The following CDK7 variants were observed in gnomAD, a reference collection of about 807,000 sequenced individuals.
CDK7 encodes cyclin dependent kinase 7.
A neutral mutation model predicts 49.1 loss-of-function variants in CDK7; 25 were observed. That is an observed-to-expected ratio of 0.51 (90% confidence interval 0.37 to 0.71). The LOEUF (loss-of-function observed/expected upper bound fraction) is 0.71, where lower values mean the gene tolerates loss of function less well. Among genes scored for constraint, CDK7 ranks in the 30% least tolerant of loss-of-function variants. The probability of loss-of-function intolerance (pLI) is 0.00; values close to 1 mark genes in which losing one functional copy is unlikely to be tolerated. For missense variants in CDK7, 316 were observed against 411.7 expected (o/e 0.77, Z 2.01); for synonymous variants, 107 against 140.0 (o/e 0.76, Z 1.67).
chr5:69,242,943 G>T lies in CDK7; in HGVS notation c.126+7490G>T, dbSNP rs187561145. Among the ~76,000 whole-genome samples the T allele has an allele frequency of 2.1e-3, 321 of 152,278 alleles. 6 individuals carry two copies. Among genetic ancestry groups the T allele is most frequent in the Non-Finnish European group, 2.0e-3 (137 of 68,026 alleles). On this transcript the variant is annotated intron_variant, in intron 2 of 11. Transcript: ENST00000256443. ...GCCTGTAATTCCAGCTACTCTGCAGGCTGAGGCAGGAGAATTGCTTGAACC... is the reference window on the plus strand; with the variant it reads ...GCCTGTAATTCCAGCTACTCTGCAGTCTGAGGCAGGAGAATTGCTTGAACC...
Position 69,276,636 on chromosome 5 carries a change from C to G in CDK7, c.958C>G (p.Gln320Glu). The change falls in exon 11 of 12, where the codon CAA (glutamine) becomes GAA (glutamate). Residue 320 changes from glutamine to glutamate, a missense_variant. Physicochemically the swap from Gln to Glu is conservative, Grantham distance 29 (BLOSUM62 2). Transcript: ENST00000256443. ...CTGTCCAGTGGAAACCTTAAAGGAG[C>G]AATCAAATCCAGCTTTGGCAATAAA... ...PNCPVETLKE[Q>E]SNPALAIKRK... 4 of 1,614,038 alleles carry G rather than the reference C, an allele frequency of 2.5e-6. No individual in the cohort carries two copies. Among genetic ancestry groups the G allele is most frequent in the Non-Finnish European group, 3.4e-6 (4 of 1,179,930 alleles).
Position 69,258,172 on chromosome 5 carries a change from C to T in CDK7, c.408+19C>T, listed in dbSNP as rs1323120561. On this transcript the variant is annotated intron_variant, in intron 6 of 11. Transcript: ENST00000256443. Reference sequence around the variant, plus strand: ...ACATAGGGTAAGGTTTTTAATATTGCTTCTTTATACTAGTCAAGTTTTATA... The same window carrying T: ...ACATAGGGTAAGGTTTTTAATATTGTTTCTTTATACTAGTCAAGTTTTATA... 1 of 1,124,504 alleles carries T rather than the reference C, an allele frequency of 8.9e-7. No individual in the cohort carries two copies. Among genetic ancestry groups the T allele is most frequent in the Non-Finnish European group, 1.3e-6 (1 of 775,154 alleles). The allele number at this position is 1,124,504 out of a possible 1,614,324, so 69.7% of individuals were successfully genotyped here. A position where few individuals can be genotyped will look rare whatever the true frequency, so the allele number is the denominator to read the frequency against.
intron 10 of CDK7, among the ~76,000 whole-genome samples, chr5:69,276,057 C>G (rs1752103009): frequency 6.6e-6 from 1 of 151,918 alleles, no homozygotes; most frequent in Non-Finnish European, 1.5e-5. Flanking sequence ...TGATACGGAG[C>G]CTTGCTCTGT....
chr5:69,267,285 A>G (rs1043896147), intron 8 of CDK7, among the ~76,000 whole-genome samples: 2 of 136,430 alleles, frequency 1.5e-5, no homozygotes, highest in Non-Finnish European at 3.1e-5. Flanking sequence ...TTTCTCTATA[A>G]GGATTCCTTT....
chr5:69,275,429 CTT>C (rs903500915), intron 10 of CDK7, among the ~76,000 whole-genome samples: 5 of 152,048 alleles, frequency 3.3e-5, no homozygotes, highest in African/African-American at 1.2e-4. Context: ...AAGTTTCTCT[CTT>C]TGCATTTTGA....
Position 69,269,335 on chromosome 5 carries a change from T to C in CDK7, c.714+42T>C, listed in dbSNP as rs562450161. The stretch of plus-strand genomic sequence containing the variant: ...TTTCTTTGAAATGTAATTAGGACTC[T>C]GTAAAGTTCTTAAACTGTCATATAC... On this transcript the variant is annotated intron_variant, in intron 9 of 11. Transcript: ENST00000256443. 2.4e-4 allele frequency: 337 copies of C among 1,382,572 alleles called. 5 individuals are homozygous for C. The South Asian group carries it at 3.0e-3, about 12-fold the overall frequency. The allele number at this position is 1,382,572 out of a possible 1,614,324, so 85.6% of individuals were successfully genotyped here. A position where few individuals can be genotyped will look rare whatever the true frequency, so the allele number is the denominator to read the frequency against.
intron 2 of CDK7, among the ~76,000 whole-genome samples, chr5:69,247,754 G>A (rs1164085196): frequency 6.6e-6 from 1 of 151,538 alleles, no homozygotes; most frequent in Non-Finnish European, 1.5e-5. Context: ...CTATTGTTAT[G>A]TTTTTAGATT....
At chr5:69,244,654 AAAAG>A (rs1749613474) in intron 2 of CDK7, among the ~76,000 whole-genome samples, 1 of 151,840 alleles carries the variant, frequency 6.6e-6, no homozygotes, top group Non-Finnish European at 1.5e-5. Context: ...AAAAAAAAAA[AAAAG>A]ATCATATCGT....
chr5:69,239,284 A>G lies in CDK7; in HGVS notation c.126+3831A>G, dbSNP rs565092343. ...CGTTTGTCAATTACGTAGATTGAAA[A>G]TGGTATGTACTTATTGTTTCAATTA... On this transcript the variant is annotated intron_variant, in intron 2 of 11. Coordinates refer to ENST00000256443, the MANE Select transcript of CDK7 (RefSeq NM_001799.4). 5.3e-5 allele frequency among the ~76,000 whole-genome samples: 8 copies of G among 152,306 alleles called. No homozygotes were observed. In the East Asian group the frequency reaches 1.5e-3, roughly 29 times the overall value.
chr5:69,247,774 A>G (rs900328908), intron 2 of CDK7, among the ~76,000 whole-genome samples: 24 of 152,050 alleles, frequency 1.6e-4, no homozygotes, highest in African/African-American at 5.8e-4. Context: ...TTGAGGTTAC[A>G]TGAGGCTTGC....
intron 2 of CDK7, among the ~76,000 whole-genome samples, chr5:69,250,069 C>A (rs1750039253): frequency 6.6e-6 from 1 of 152,198 alleles, no homozygotes; most frequent in African/African-American, 2.4e-5. Flanking sequence ...AGGATTGACC[C>A]TTAGTGCCTA....
intron 7 of CDK7, among the ~76,000 whole-genome samples, chr5:69,261,099 T>C (rs1220865655): frequency 1.3e-5 from 2 of 152,200 alleles, no homozygotes; most frequent in African/African-American, 4.8e-5. Flanking sequence ...ATTACAGGTG[T>C]GAGCCATTGT....
intron 10 of CDK7, among the ~76,000 whole-genome samples, chr5:69,273,621 C>A (rs1751796210): frequency 1.3e-5 from 2 of 152,092 alleles, no homozygotes; most frequent in African/African-American, 4.8e-5. Flanking sequence ...ATAACAAACT[C>A]ATGAAAAATT....
Position 69,269,837 on chromosome 5 carries a change from C to T in CDK7, c.714+544C>T, listed in dbSNP as rs1375526992. Among the ~76,000 whole-genome samples the T allele has an allele frequency of 4.6e-5, 7 of 151,392 alleles. No individual in the cohort carries two copies. The South Asian group carries it at 1.0e-3, about 23-fold the overall frequency. ...CTCGTCTCAAGCAGTTCTGCCTCAG[C>T]CTCCCAAAGTGCTGGCATTACAGGC... is the stretch of plus-strand genomic sequence containing the variant. On this transcript the variant is annotated intron_variant, in intron 9 of 11. Coordinates refer to ENST00000256443, the MANE Select transcript of CDK7 (RefSeq NM_001799.4).
chr5:69,261,731 A>G (rs981082926), intron 7 of CDK7, among the ~76,000 whole-genome samples: 3 of 152,150 alleles, frequency 2.0e-5, no homozygotes, highest in Admixed American at 6.5e-5. Flanking sequence ...GGGTTTCACT[A>G]TGTTGGCCAG....
At chr5:69,243,582 G>A (rs991440817) in intron 2 of CDK7, among the ~76,000 whole-genome samples, 4 of 151,880 alleles carry the variant, frequency 2.6e-5, no homozygotes, top group African/African-American at 4.8e-5. Flanking sequence ...CCTCCCTTTT[G>A]TTCTTTTTTC....
chr5:69,267,139 A>T (rs1220275786), intron 8 of CDK7, among the ~76,000 whole-genome samples: 1 of 152,164 alleles, frequency 6.6e-6, no homozygotes, highest in African/African-American at 2.4e-5. Context: ...AAGACTAGTA[A>T]AATGAGCCTC....
intron 8 of CDK7, among the ~76,000 whole-genome samples, chr5:69,265,811 G>A (rs1259806533): frequency 2.6e-5 from 4 of 152,110 alleles, no homozygotes; most frequent in Non-Finnish European, 1.5e-5. Flanking sequence ...TCAGGAGGCT[G>A]AGTTGGCAGG....
intron 10 of CDK7, among the ~76,000 whole-genome samples, chr5:69,275,292 GA>G (rs1752003566): frequency 6.6e-6 from 1 of 152,098 alleles, no homozygotes; most frequent in Non-Finnish European, 1.5e-5. Context: ...ATGGATTGTT[GA>G]ATTAGAATCC....
Sources: allele counts gnomAD v4.1 joint callset (sites outside exome capture counted in the v4.1 genomes callset), GRCh38; gene constraint gnomAD v4.1.1; transcripts MANE v1.5; gene names NCBI Gene and HGNC (gene_info 2026-07-23, HGNC 2026-07-21).